MYO5B: variants seen among roughly 807,000 people sequenced by gnomAD.
MYO5B encodes unconventional myosin-Vb.
In MYO5B, 143 loss-of-function variants were observed where a neutral mutation model predicts 229.3. That is an observed-to-expected ratio of 0.62 (90% CI 0.54 to 0.72). MYO5B has a LOEUF of 0.72. MYO5B is among the 30% of genes least tolerant of loss of function. The pLI, the probability that MYO5B is intolerant of heterozygous loss-of-function variation, is 0.00. For missense variants in MYO5B, 2,321 were observed against 2,331.0 expected (o/e 1.00, Z 0.09); for synonymous variants, 918 against 885.2 (o/e 1.04, Z -0.66).
intron 2 of MYO5B, among the ~76,000 whole-genome samples, chr18:50,049,284 A>G (rs2030328486): frequency 6.6e-6 from 1 of 152,206 alleles, no homozygotes; most frequent in Non-Finnish European, 1.5e-5. Context: ...CTCAATAATA[A>G]TTTTTAATGA....
At chr18:50,148,684 C>G (rs2032544854) in intron 1 of MYO5B, among the ~76,000 whole-genome samples, 1 of 151,982 alleles carries the variant, frequency 6.6e-6, no homozygotes, top group South Asian at 2.1e-4. Flanking sequence ...GGACGTATCT[C>G]AAAATAATAA....
At chr18:50,029,589 G>A (rs2026366783) in intron 4 of MYO5B, among the ~76,000 whole-genome samples, 1 of 152,080 alleles carries the variant, frequency 6.6e-6, no homozygotes, top group East Asian at 1.9e-4. Context: ...CCTCCCCAAG[G>A]ATTCCACCAT....
intron 14 of MYO5B, among the ~76,000 whole-genome samples, chr18:49,948,455 T>C (rs531586304): frequency 1.3e-5 from 2 of 152,316 alleles, no homozygotes; most frequent in East Asian, 3.9e-4. Context: ...GGAGACGATA[T>C]TGTTTTGTCA....
At chr18:50,193,105 C>A (rs1187703718) in intron 1 of MYO5B, among the ~76,000 whole-genome samples, 1 of 152,244 alleles carries the variant, frequency 6.6e-6, no homozygotes. Context: ...TTTTCCCCTG[C>A]CTCACTGGCT....
chr18:49,871,306 C>T (rs746944308), intron 27 of MYO5B, among the ~76,000 whole-genome samples: 13 of 152,060 alleles, frequency 8.5e-5, no homozygotes, highest in East Asian at 3.9e-4. Flanking sequence ...TTAATGGGTA[C>T]GGGCTTCAGT....
At chr18:50,139,831 T>C (rs140822539) in intron 1 of MYO5B, among the ~76,000 whole-genome samples, 9 of 152,296 alleles carry the variant, frequency 5.9e-5, no homozygotes, top group East Asian at 3.9e-4. Context: ...ACAGCTCCAA[T>C]AGCAAAAACT....
At chr18:50,110,991 A>G (rs1003067280) in intron 1 of MYO5B, among the ~76,000 whole-genome samples, 1 of 152,234 alleles carries the variant, frequency 6.6e-6, no homozygotes, top group Non-Finnish European at 1.5e-5. Context: ...GTTCACAATG[A>G]TAAGATTTCA....
In MYO5B at chr18:49,863,280, A is replaced by C. The variant is rs1236234047; in HGVS notation, c.3891T>G (p.His1297Gln). 6.2e-7 allele frequency: 1 copy of C among 1,613,726 alleles called. No individual in the cohort carries two copies. The highest frequency in any genetic ancestry group is 8.5e-7 in the Non-Finnish European group (1 of 1,180,016). ...CCTCAATGGCATCCTCCTGGTCAAC[A>C]TGCTTTTCACTGTTAGGCCAACTTG... ...ARSSWPNSEK[H>Q]VDQEDAIEAY... is the part of the protein sequence containing the mutation. Residue 1297 changes from histidine to glutamine, a missense_variant, in exon 29 of 40, where the codon CAT (histidine) becomes CAG (glutamine). Coordinates refer to ENST00000285039, the MANE Select transcript of MYO5B (RefSeq NM_001080467.3).
chr18:50,077,502 A>AAAC (rs2031114571), intron 1 of MYO5B, among the ~76,000 whole-genome samples: 46 of 133,518 alleles, frequency 3.4e-4, no homozygotes, highest in Non-Finnish European at 6.3e-4. Context: ...CACACACACA[A>AAAC]ACACACACAC....
At chr18:49,961,295 C>T (rs1307112719) in intron 12 of MYO5B, among the ~76,000 whole-genome samples, 1 of 152,070 alleles carries the variant, frequency 6.6e-6, no homozygotes, top group Non-Finnish European at 1.5e-5. Flanking sequence ...TACCGATTCT[C>T]GGGATGAAGC....
At chr18:49,918,893 G>C (rs2025046040) in intron 17 of MYO5B, among the ~76,000 whole-genome samples, 2 of 152,192 alleles carry the variant, frequency 1.3e-5, no homozygotes, top group Admixed American at 1.3e-4. Flanking sequence ...AATTTCTAAA[G>C]GGACATAAGA....
intron 22 of MYO5B, among the ~76,000 whole-genome samples, chr18:49,880,792 T>C (rs1260759346): frequency 1.3e-5 from 2 of 152,192 alleles, no homozygotes; most frequent in African/African-American, 4.8e-5. Context: ...CAAGTCAGCA[T>C]TCCACTGAGG....
At chr18:49,894,551 C>T (rs2024755086) in intron 22 of MYO5B, among the ~76,000 whole-genome samples, 1 of 152,118 alleles carries the variant, frequency 6.6e-6, no homozygotes. Context: ...GCATCATGGG[C>T]AAGGGTGCCC....
chr18:49,939,217 C>T (rs1024122561), intron 14 of MYO5B, among the ~76,000 whole-genome samples: 1 of 140,538 alleles, frequency 7.1e-6, no homozygotes, highest in Non-Finnish European at 1.5e-5. Flanking sequence ...GCAATCTCAA[C>T]TCACTGCAAG....
Position 50,036,832 on chromosome 18 carries a change from G to C in MYO5B, c.455+18C>G, listed in dbSNP as rs1484514293. Reference sequence around the variant, plus strand: ...CACTGACTACTCAGGAGGACTTCTGGGCTGAGGACATTCTCACCTGGCCAT... The same window carrying C: ...CACTGACTACTCAGGAGGACTTCTGCGCTGAGGACATTCTCACCTGGCCAT... On this transcript the variant is annotated intron_variant, in intron 4 of 39. Coordinates refer to ENST00000285039, the MANE Select transcript of MYO5B (RefSeq NM_001080467.3). The C allele has an allele frequency of 1.9e-6, 3 of 1,613,870 alleles. No individual in the cohort carries two copies. The highest frequency in any genetic ancestry group is 1.7e-4 in the Middle Eastern group (1 of 5,942).
chr18:50,121,578 T>C (rs1340619010), intron 1 of MYO5B, among the ~76,000 whole-genome samples: 2 of 152,238 alleles, frequency 1.3e-5, no homozygotes, highest in African/African-American at 4.8e-5. Context: ...CTCAATTTAC[T>C]GAGAATTAAC....
At position 49,895,485 on chromosome 18, in the gene MYO5B, C is replaced by T. The variant is rs138401872; in HGVS notation, c.2812-311G>A. ...CTTTATGGCTGGGTGGATCCTATACCTTATTTTTAAGTTGCAGAAACAAAG... is the reference window on the plus strand; with the variant it reads ...CTTTATGGCTGGGTGGATCCTATACTTTATTTTTAAGTTGCAGAAACAAAG... On this transcript the variant is annotated intron_variant, in intron 21 of 39. Transcript: ENST00000285039. Among the ~76,000 whole-genome samples, 9 of 152,306 alleles carry T rather than the reference C, an allele frequency of 5.9e-5. No homozygotes were observed. In the East Asian group the frequency reaches 1.7e-3, roughly 29 times the overall value.
At chr18:49,844,245 A>C (rs1037128738) in intron 33 of MYO5B, among the ~76,000 whole-genome samples, 2 of 152,206 alleles carry the variant, frequency 1.3e-5, no homozygotes, top group Non-Finnish European at 2.9e-5. Context: ...AGCCAGACTT[A>C]AGGCAACAGG....
intron 14 of MYO5B, among the ~76,000 whole-genome samples, chr18:49,939,200 C>T (rs1413617590): frequency 1.5e-5 from 2 of 136,032 alleles, no homozygotes; most frequent in East Asian, 4.3e-4. Context: ...GGCTGGAGTG[C>T]AGTGGCGCAA....
Sources: allele counts gnomAD v4.1 joint callset (sites outside exome capture counted in the v4.1 genomes callset), GRCh38; gene constraint gnomAD v4.1.1; transcripts MANE v1.5; gene names NCBI Gene and HGNC (gene_info 2026-07-23, HGNC 2026-07-21).